The following KLHL12 variants were observed in gnomAD, a reference collection of about 807,000 sequenced individuals.
KLHL12 encodes kelch like family member 12, also known as kelch-like protein 12.
Under a neutral mutation model 60.8 loss-of-function variants are expected in KLHL12, and 17 were observed. That is an observed-to-expected ratio of 0.28 (90% CI 0.19 to 0.42). The LOEUF (loss-of-function observed/expected upper bound fraction) is 0.42. Among genes scored for constraint, KLHL12 ranks in the 10% least tolerant of loss-of-function variants. The pLI, the probability that KLHL12 is intolerant of heterozygous loss-of-function variation, is 1.00. For synonymous variants in KLHL12, 220 were observed against 250.9 expected (o/e 0.88, Z 1.16); for missense variants, 468 against 722.3 (o/e 0.65, Z 4.04).
Position 202,894,287 on chromosome 1 carries a change from A to G in KLHL12, c.1295-5T>C, listed in dbSNP as rs1659764095. 5.9e-6 allele frequency: 9 copies of G among 1,536,786 alleles called. No homozygotes were observed. Among genetic ancestry groups the G allele is most frequent in the Non-Finnish European group, 7.9e-6 (9 of 1,132,106 alleles). On this transcript the variant is annotated splice_region_variant and splice_polypyrimidine_tract_variant and intron_variant, in intron 9 of 11. Coordinates refer to ENST00000367261, the MANE Select transcript of KLHL12 (RefSeq NM_021633.4). ...TATTCAAGCCGTCATATCCTCCTGG[A>G]AGACAGAGACCATTCCAGAAAGAGT...
At chr1:202,924,418 T>A (rs1653421696) in intron 2 of KLHL12, among the ~76,000 whole-genome samples, 2 of 152,194 alleles carry the variant, frequency 1.3e-5, no homozygotes, top group African/African-American at 4.8e-5. Flanking sequence ...CCTTCCTTCC[T>A]CCTTATCCCT....
chr1:202,907,911 TA>T (rs561989791), intron 6 of KLHL12, among the ~76,000 whole-genome samples: 1 of 151,500 alleles, frequency 6.6e-6, no homozygotes, highest in Non-Finnish European at 1.5e-5. Context: ...TCATTTCTAT[TA>T]AAAAAAATAA....
At chr1:202,922,722 G>A (rs1394957944) in intron 2 of KLHL12, among the ~76,000 whole-genome samples, 2 of 151,934 alleles carry the variant, frequency 1.3e-5, no homozygotes, top group African/African-American at 2.4e-5. Flanking sequence ...TCCTGACCTC[G>A]TGATCCACCT....
At chr1:202,926,973 T>TG in intron 1 of KLHL12, 116 bp downstream of exon 1, 2 of 795,318 alleles carry the variant, frequency 2.5e-6, no homozygotes, top group Non-Finnish European at 3.0e-6. Context: ...CCTCCTCTGT[T>TG]GGGCATGTCT....
intron 4 of KLHL12, among the ~76,000 whole-genome samples, chr1:202,915,324 A>G (rs759025544): frequency 6.6e-6 from 1 of 152,186 alleles, no homozygotes; most frequent in South Asian, 2.1e-4. Flanking sequence ...CATTGTTTTA[A>G]GTACTATTAT....
At position 202,893,110 on chromosome 1, in the gene KLHL12, A is replaced by G. The variant is rs1258936645; in HGVS notation, c.1580+129T>C. On this transcript the variant is annotated intron_variant, in intron 11 of 11. Coordinates refer to ENST00000367261, the MANE Select transcript of KLHL12 (RefSeq NM_021633.4). This position sits in a 1 kb window ranked among gnomAD's most constrained non-coding sequence, Gnocchi z 4.1. ...TAAAAAATAAAAAAAATCTAATAAA[A>G]AAAATCAAGTTGCCACTGGAGATGT... 1 of 677,142 alleles carries G rather than the reference A, an allele frequency of 1.5e-6. No individual in the cohort carries two copies. The highest frequency in any genetic ancestry group is 2.9e-5 in the East Asian group (1 of 34,250). The allele number at this position is 677,142 out of a possible 1,614,324, so 41.9% of individuals were successfully genotyped here. A position where few individuals can be genotyped will look rare whatever the true frequency, so the allele number is the denominator to read the frequency against.
intron 4 of KLHL12, among the ~76,000 whole-genome samples, chr1:202,915,506 GT>G (rs1213337993): frequency 4.6e-5 from 7 of 152,080 alleles, no homozygotes; most frequent in Admixed American, 4.6e-4. Flanking sequence ...TTCTCAAGCT[GT>G]TTTTCATTTA....
Position 202,909,480 on chromosome 1 carries a change from A to C in KLHL12, c.718-356T>G, listed in dbSNP as rs1300784922. 6.6e-6 allele frequency among the ~76,000 whole-genome samples: 1 copy of C among 152,094 alleles called. No individual in the cohort carries two copies. The highest frequency in any genetic ancestry group is 1.5e-5 in the Non-Finnish European group (1 of 68,018). On this transcript the variant is annotated intron_variant, in intron 5 of 11. Coordinates refer to ENST00000367261, the MANE Select transcript of KLHL12 (RefSeq NM_021633.4). This position sits in a 1 kb window ranked among gnomAD's most constrained non-coding sequence, Gnocchi z 4.1. ...TACATAATAACTAATAAGAATTTTA[A>C]GGGGAAAACCAAAAAGATTCTGTTA...
At chr1:202,920,369 A>ATTTTTTTTTTTTT (rs951695987) in intron 2 of KLHL12, among the ~76,000 whole-genome samples, 1 of 83,806 alleles carries the variant, frequency 1.2e-5, no homozygotes, top group Non-Finnish European at 2.1e-5. Flanking sequence ...ATTTTGTTGG[A>ATTTTTTTTTTTTT]TTTTTTTTTT....
At chr1:202,924,538 T>C (rs940208164) in intron 2 of KLHL12, among the ~76,000 whole-genome samples, 3 of 152,146 alleles carry the variant, frequency 2.0e-5, no homozygotes, top group Non-Finnish European at 2.9e-5. Context: ...GGCAGGAGGA[T>C]TGCTTGAGCC....
At chr1:202,917,857 A>G (rs1478381080) in intron 4 of KLHL12, among the ~76,000 whole-genome samples, 1 of 152,178 alleles carries the variant, frequency 6.6e-6, no homozygotes, top group East Asian at 1.9e-4. Context: ...ATTCTCAATA[A>G]ATGTTTGTGA....
chr1:202,899,584 G>C (rs545566263), intron 6 of KLHL12, among the ~76,000 whole-genome samples: 6 of 152,074 alleles, frequency 3.9e-5, no homozygotes, highest in Admixed American at 3.9e-4. Flanking sequence ...CTAGCACTTT[G>C]GGAGGCCAAA....
intron 6 of KLHL12, among the ~76,000 whole-genome samples, chr1:202,906,115 G>T (rs1241910737): frequency 7.0e-6 from 1 of 143,316 alleles, no homozygotes; most frequent in Admixed American, 7.0e-5. Flanking sequence ...CACCGCGCCC[G>T]GCCACCCAAC....
Position 202,912,670 on chromosome 1 carries a change from A to T in KLHL12, c.568-1467T>A, listed in dbSNP as rs1660402068. On this transcript the variant is annotated intron_variant, in intron 4 of 11. Coordinates refer to ENST00000367261, the MANE Select transcript of KLHL12 (RefSeq NM_021633.4). Reference sequence around the variant, plus strand: ...GGCCAATACTCTGCCAAACCACGAAACCAAGGTGGCTATGGTGGTTTCAGT... The same window carrying T: ...GGCCAATACTCTGCCAAACCACGAATCCAAGGTGGCTATGGTGGTTTCAGT... The T allele has an allele frequency of 2.1e-5, 27 of 1,295,676 alleles. No homozygotes were observed. In the South Asian group the frequency reaches 2.5e-4, roughly 12 times the overall value. 80.3% of individuals were successfully genotyped at this position (1,295,676 alleles called of 1,614,324 possible). A position where few individuals can be genotyped will look rare whatever the true frequency, so the allele number is the denominator to read the frequency against.
upstream of KLHL12, chr1:202,927,401 G>T (rs1291444156): frequency 9.8e-6 from 4 of 408,966 alleles, no homozygotes; most frequent in South Asian, 2.0e-4. Flanking sequence ...AGGTCGGGTG[G>T]GCAGGGAATG....
intron 6 of KLHL12, among the ~76,000 whole-genome samples, chr1:202,905,813 G>C (rs1405094627): frequency 1.3e-5 from 2 of 151,432 alleles, no homozygotes; most frequent in East Asian, 3.9e-4. Flanking sequence ...TACCCAACCC[G>C]ATTTTTTTTT....
chr1:202,909,131 T>C lies in KLHL12; in HGVS notation c.718-7A>G. Reference sequence around the variant, plus strand: ...AACTACAGCGGATGAAAGGCTGAAATATAGCAGACAGCAGAGTTAGGCACT... The same window carrying C: ...AACTACAGCGGATGAAAGGCTGAAACATAGCAGACAGCAGAGTTAGGCACT... On this transcript the variant is annotated splice_polypyrimidine_tract_variant and splice_region_variant and intron_variant, in intron 5 of 11. Transcript: ENST00000367261. This position sits in a 1 kb window ranked among gnomAD's most constrained non-coding sequence, Gnocchi z 4.1. The C allele has an allele frequency of 6.3e-7, 1 of 1,585,152 alleles. No homozygotes were observed. Among genetic ancestry groups the C allele is most frequent in the East Asian group, 2.2e-5 (1 of 44,712 alleles).
chr1:202,907,597 T>TA (rs34815999), intron 6 of KLHL12, among the ~76,000 whole-genome samples: 61 of 126,900 alleles, frequency 4.8e-4, no homozygotes, highest in African/African-American at 1.2e-3. Context: ...GACTCTGTCT[T>TA]AAAAAAAAAA....
At chr1:202,901,044 AAAAAT>A (rs1203213791) in intron 6 of KLHL12, among the ~76,000 whole-genome samples, 3 of 152,162 alleles carry the variant, frequency 2.0e-5, no homozygotes, top group Non-Finnish European at 4.4e-5. Flanking sequence ...AGACTGTCTC[AAAAAT>A]AAAATAAAGA....
Sources: gnomAD v4.1 joint callset for allele counts (sites outside exome capture counted in the v4.1 genomes callset) on GRCh38, gnomAD v4.1.1 for gene constraint, Gnocchi (gnomAD v3.1) non-coding constraint, MANE v1.5 for transcripts, NCBI Gene and HGNC (gene_info 2026-07-23, HGNC 2026-07-21) for gene names.